Variants in TGS1 observed in about 807,000 individuals in gnomAD.
TGS1 encodes trimethylguanosine synthase 1.
Under a neutral mutation model 92.2 loss-of-function variants are expected in TGS1, and 69 were observed. The observed-to-expected ratio is 0.75, with a 90% CI of 0.62 to 0.91. The LOEUF (loss-of-function observed/expected upper bound fraction) is 0.91. TGS1 is among the 40% of genes least tolerant of loss of function. TGS1 has a pLI of 0.00. For synonymous variants in TGS1, 345 were observed against 338.1 expected, an observed-to-expected ratio of 1.02 and a Z score of -0.22; for missense variants, 1,062 against 1,001.2, an observed-to-expected ratio of 1.06 and a Z score of -0.82.
At chr8:55,802,302 T>C (rs146605111) in intron 8 of TGS1, among the ~76,000 whole-genome samples, 155 bp from the exon 9 acceptor site, 169 of 152,348 alleles carry the variant, frequency 1.1e-3, no homozygotes, top group African/African-American at 4.0e-3. Context: ...TTGAAGCCAG[T>C]GGCGTTTCCA....
chr8:55,794,690 A>G (rs1811992073), intron 6 of TGS1, among the ~76,000 whole-genome samples: 1 of 152,262 alleles, frequency 6.6e-6, no homozygotes, highest in Non-Finnish European at 1.5e-5. Flanking sequence ...ATGCCCAAGC[A>G]TTAAATATAA....
chr8:55,787,211 T>C (rs2130134590), intron 4 of TGS1, 151 bp downstream of exon 4: 1 of 604,962 alleles, frequency 1.7e-6, no homozygotes, highest in Non-Finnish European at 2.8e-6. Flanking sequence ...TGTTTTCATA[T>C]CACAAGTTAT....
intron 12 of TGS1, among the ~76,000 whole-genome samples, chr8:55,820,494 T>C (rs1803604607): frequency 6.6e-6 from 1 of 152,080 alleles, no homozygotes; most frequent in Non-Finnish European, 1.5e-5. Context: ...GCCGAGATCA[T>C]GCCACTGCAC....
At chr8:55,823,490 A>G (rs1178259770) in intron 12 of TGS1, among the ~76,000 whole-genome samples, 1 of 152,172 alleles carries the variant, frequency 6.6e-6, no homozygotes. Context: ...TTTTACCACA[A>G]TTGTTGTAGA....
chr8:55,821,766 G>A (rs879778231), intron 12 of TGS1, among the ~76,000 whole-genome samples: 12 of 151,692 alleles, frequency 7.9e-5, no homozygotes, highest in South Asian at 4.2e-4. Context: ...CCAGCTACTC[G>A]GGAGGCTGAG....
intron 4 of TGS1, among the ~76,000 whole-genome samples, chr8:55,789,054 T>A (rs1811801392): frequency 6.6e-6 from 1 of 152,190 alleles, no homozygotes; most frequent in East Asian, 1.9e-4. Flanking sequence ...CAGGATGAAT[T>A]TGAGGGTTTT....
chr8:55,781,965 A>G (rs1276871856), intron 1 of TGS1, among the ~76,000 whole-genome samples: 1 of 152,156 alleles, frequency 6.6e-6, no homozygotes, highest in African/African-American at 2.4e-5. Flanking sequence ...TGCTCAGACC[A>G]TGAATACCTT....
At chr8:55,784,513 A>G (rs899335923) in intron 2 of TGS1, among the ~76,000 whole-genome samples, 9 of 152,122 alleles carry the variant, frequency 5.9e-5, no homozygotes, top group Non-Finnish European at 1.3e-4. Context: ...GTTTGTAGTG[A>G]CAGGGTCTTG....
At chr8:55,817,074 A>G (rs1387786692) in intron 12 of TGS1, among the ~76,000 whole-genome samples, 1 of 152,132 alleles carries the variant, frequency 6.6e-6, no homozygotes, top group Non-Finnish European at 1.5e-5. Flanking sequence ...CACGTTGGCC[A>G]GGATGGTCTC....
Position 55,807,379 on chromosome 8 carries a change from A to G in TGS1, c.2143+2343A>G, listed in dbSNP as rs974236135. Among the ~76,000 whole-genome samples the G allele has an allele frequency of 8.6e-5, 13 of 151,908 alleles. 1 individual carries two copies. Among genetic ancestry groups the G allele is most frequent in the Middle Eastern group, 6.9e-3 (2 of 290 alleles). On this transcript the variant is annotated intron_variant, in intron 10 of 12. Coordinates refer to ENST00000260129, the MANE Select transcript of TGS1 (RefSeq NM_024831.8). ...TGACTTTGGGATCACAAGAAAGAAA[A>G]CCCCTCCCACTGTGTAACTGCCAGT...
At chr8:55,786,072 C>G (rs948485053) in intron 3 of TGS1, among the ~76,000 whole-genome samples, 166 bp from the exon 4 acceptor site, 3 of 152,098 alleles carry the variant, frequency 2.0e-5, no homozygotes, top group African/African-American at 7.2e-5. Context: ...TGTGACTGTT[C>G]CTCCTCTTGG....
At position 55,787,011 on chromosome 8, in the gene TGS1, T is replaced by G. The variant is rs1811738509; in HGVS notation, c.1113T>G (p.Asn371Lys). The change falls in exon 4 of 13, where the codon AAT becomes AAG. Residue 371 changes from asparagine (N) to lysine (K), a missense_variant. Asn to Lys is a moderately conservative substitution (Grantham distance 94). Coordinates refer to ENST00000260129, the MANE Select transcript of TGS1 (RefSeq NM_024831.8). ...GTGAACCACGTAATGGAGGAACCAATGAGGAAAGCAACTCATCGGGGAATA... is the reference window on the plus strand; with the variant it reads ...GTGAACCACGTAATGGAGGAACCAAGGAGGAAAGCAACTCATCGGGGAATA... ...GQSEPRNGGT[N>K]EESNSSGNTN... 1.9e-6 allele frequency: 3 copies of G among 1,613,944 alleles called. No homozygotes were observed. The highest frequency in any genetic ancestry group is 2.5e-6 in the Non-Finnish European group (3 of 1,179,972).
chr8:55,792,707 G>A lies in TGS1; in HGVS notation c.1290G>A (p.Leu430=). ...CCTTTTCTTTATTTAGCCATGAACT[G>A]GACATTGATGAAAACCCAGCTTCAG... ...KPSKLKRSHE[L]DIDENPASDF... is the part of the protein sequence containing the mutation. Residue 430 remains leucine (L), a synonymous_variant, in exon 6 of 13, where the codon CTG becomes CTA. Transcript: ENST00000260129. 7 of 1,612,922 alleles carry A rather than the reference G, an allele frequency of 4.3e-6. No individual in the cohort carries two copies. Among genetic ancestry groups the A allele is most frequent in the Non-Finnish European group, 5.9e-6 (7 of 1,179,062 alleles).
Position 55,802,420 on chromosome 8 carries a change from C to G in TGS1, c.1850-37C>G, listed in dbSNP as rs773694401. 4.5e-6 allele frequency: 7 copies of G among 1,561,928 alleles called. No individual in the cohort carries two copies. In the East Asian group the frequency reaches 1.6e-4, roughly 35 times the overall value. On this transcript the variant is annotated intron_variant, in intron 8 of 12. Transcript: ENST00000260129. The stretch of plus-strand genomic sequence containing the variant: ...ACTCACCTGTGATACTAATTTTTTT[C>G]TTAGTGAGCATCTATATTCTTTGTA...
chr8:55,787,142 T>G (rs1811743742), intron 4 of TGS1, 82 bp downstream of exon 4: 4 of 934,370 alleles, frequency 4.3e-6, no homozygotes, highest in Non-Finnish European at 6.4e-6. Flanking sequence ...AATCCTTTAT[T>G]GTAGAGTTAA....
At chr8:55,799,686 T>C (rs1292450250) in intron 8 of TGS1, among the ~76,000 whole-genome samples, 1 of 152,156 alleles carries the variant, frequency 6.6e-6, no homozygotes, top group African/African-American at 2.4e-5. Context: ...CAAGCAGTCC[T>C]CCCACCTCAG....
rs1337236112 is a variant in TGS1 at position 55,775,271 on chromosome 8, G to GA, written c.101+1560dup. ...AAAAAAGAAAAGAAAAGAAAGAAAA[G>GA]AAAAAAAACTGGGAAAGAAAGAAGA... On this transcript the variant is annotated intron_variant, in intron 1 of 12. Coordinates refer to ENST00000260129, the MANE Select transcript of TGS1 (RefSeq NM_024831.8). Among the ~76,000 whole-genome samples the GA allele has an allele frequency of 4.6e-5, 7 of 151,388 alleles. 1 individual carries two copies. The highest frequency in any genetic ancestry group is 1.5e-4 in the African/African-American group (6 of 41,190).
rs1247557273 is a variant in TGS1 at position 55,782,831 on chromosome 8, C to T, written c.166+19C>T. On this transcript the variant is annotated intron_variant, in intron 2 of 12. Transcript: ENST00000260129. ...AATTCAGGTAATATAGTATAAAATT[C>T]TATAAACCTTTTTTGCTGAAATTAG... is the stretch of plus-strand genomic sequence containing the variant. The T allele has an allele frequency of 1.3e-6, 2 of 1,533,590 alleles. No homozygotes were observed. Among genetic ancestry groups the T allele is most frequent in the Non-Finnish European group, 1.8e-6 (2 of 1,125,316 alleles). The allele number at this position is 1,533,590 out of a possible 1,614,324, so 95.0% of individuals were successfully genotyped here. A position where few individuals can be genotyped will look rare whatever the true frequency, so the allele number is the denominator to read the frequency against.
chr8:55,816,547 A>G (rs539644366), intron 12 of TGS1, among the ~76,000 whole-genome samples: 41 of 152,322 alleles, frequency 2.7e-4, no homozygotes, highest in Non-Finnish European at 5.4e-4. Context: ...TTCAGGTAAG[A>G]TAAGTTAAGT....
Sources: gnomAD v4.1 joint callset for allele counts (sites outside exome capture counted in the v4.1 genomes callset) on GRCh38, gnomAD v4.1.1 for gene constraint, MANE v1.5 for transcripts, NCBI Gene and HGNC (gene_info 2026-07-23, HGNC 2026-07-21) for gene names.